EMSY: variants seen among roughly 807,000 people sequenced by gnomAD.
The protein encoded by EMSY is EMSY transcriptional repressor, BRCA2 interacting, also known as BRCA2-interacting transcriptional repressor EMSY.
A neutral mutation model predicts 134.6 loss-of-function variants in EMSY; 26 were observed. The ratio of observed to expected loss-of-function variants is 0.19; its 90% confidence interval spans 0.14 to 0.27. The LOEUF is 0.27. Ranked by LOEUF, EMSY falls within the 10% of genes least tolerant of loss-of-function variation. The probability of loss-of-function intolerance (pLI) is 1.00; values close to 1 mark genes in which losing one functional copy is unlikely to be tolerated. For missense variants in EMSY, 1,305 were observed against 1,611.4 expected, an observed-to-expected ratio of 0.81 and a Z score of 3.26; for synonymous variants, 579 against 577.8, an observed-to-expected ratio of 1.00 and a Z score of -0.03.
chr11:76,490,536 G>A (rs1949375637), intron 8 of EMSY, among the ~76,000 whole-genome samples: 1 of 152,138 alleles, frequency 6.6e-6, no homozygotes. Context: ...ACTATTTCAT[G>A]TATTGTGTTA....
chr11:76,448,643 A>G (rs377039634), intron 2 of EMSY, among the ~76,000 whole-genome samples: 6 of 152,066 alleles, frequency 3.9e-5, no homozygotes, highest in African/African-American at 1.4e-4. Context: ...GTCATCTCGT[A>G]TGGTAATATC....
chr11:76,446,351 A>G (rs1443121941), intron 1 of EMSY, among the ~76,000 whole-genome samples: 1 of 140,138 alleles, frequency 7.1e-6, no homozygotes, highest in Non-Finnish European at 1.6e-5. Flanking sequence ...ATATATGTGT[A>G]TATATATATA....
chr11:76,464,360 A>C (rs1361555098), intron 7 of EMSY, among the ~76,000 whole-genome samples: 1 of 152,210 alleles, frequency 6.6e-6, no homozygotes, highest in Non-Finnish European at 1.5e-5. Flanking sequence ...TCCTATTTGG[A>C]AAAAATTTAA....
At chr11:76,534,292 A>G (rs1951147125) in intron 14 of EMSY, among the ~76,000 whole-genome samples, 1 of 152,184 alleles carries the variant, frequency 6.6e-6, no homozygotes. Flanking sequence ...GTTTCATAAT[A>G]TAATCAATTC....
At chr11:76,485,585 A>G (rs764153482) in intron 8 of EMSY, among the ~76,000 whole-genome samples, 6 of 152,228 alleles carry the variant, frequency 3.9e-5, no homozygotes, top group Non-Finnish European at 7.3e-5. Context: ...CCCACAGCCA[A>G]TATCATACTG....
At chr11:76,522,527 C>T (rs1950685317) in intron 11 of EMSY, among the ~76,000 whole-genome samples, 10 of 151,914 alleles carry the variant, frequency 6.6e-5, no homozygotes, top group Admixed American at 6.6e-4. Flanking sequence ...GCCGCCACCC[C>T]CAGCTAATTT....
At chr11:76,543,879 G>A (rs542661520) in intron 18 of EMSY, among the ~76,000 whole-genome samples, 253 of 152,196 alleles carry the variant, frequency 1.7e-3, no homozygotes, top group South Asian at 6.4e-3. Flanking sequence ...GGCTTTTCTC[G>A]GGACCTCATG....
At chr11:76,532,704 A>G (rs1303266563) in intron 14 of EMSY, among the ~76,000 whole-genome samples, 3 of 152,172 alleles carry the variant, frequency 2.0e-5, no homozygotes, top group Non-Finnish European at 4.4e-5. Context: ...AGTGAAGTGG[A>G]AGAAAACAAG....
intron 4 of EMSY, among the ~76,000 whole-genome samples, chr11:76,456,761 G>T (rs1314927450): frequency 6.6e-6 from 1 of 152,154 alleles, no homozygotes; most frequent in Admixed American, 6.5e-5. Flanking sequence ...AACCCAGCTG[G>T]ATTCATCGGC....
intron 12 of EMSY, 42 bp downstream of exon 13, chr11:76,523,333 G>T: frequency 6.3e-7 from 1 of 1,582,688 alleles, no homozygotes; most frequent in South Asian, 1.2e-5. Context: ...ATTCACAGAG[G>T]ATTTAAAGAC....
chr11:76,503,300 CAAAAAAAAA>C (rs61098325), intron 9 of EMSY, among the ~76,000 whole-genome samples: 10 of 70,796 alleles, frequency 1.4e-4, no homozygotes, highest in Non-Finnish European at 2.3e-4. Context: ...GGCGTGGTCT[CAAAAAAAAA>C]AAAAAAAAAA....
chr11:76,449,730 T>A (rs1024146389), intron 2 of EMSY, among the ~76,000 whole-genome samples: 2 of 152,172 alleles, frequency 1.3e-5, no homozygotes, highest in African/African-American at 4.8e-5. Context: ...ACAAACTACT[T>A]TTCCATTTTT....
intron 9 of EMSY, among the ~76,000 whole-genome samples, chr11:76,503,497 A>T (rs562857152): frequency 2.3e-4 from 35 of 152,152 alleles, no homozygotes; most frequent in Middle Eastern, 3.2e-3. Context: ...AGATGCCAAG[A>T]TCATTCAATG....
intron 4 of EMSY, among the ~76,000 whole-genome samples, chr11:76,455,046 C>T (rs2134923609): frequency 6.6e-6 from 1 of 152,100 alleles, no homozygotes; most frequent in South Asian, 2.1e-4. Context: ...GTTAGTTGTC[C>T]TGGAAAAGGT....
At chr11:76,515,685 T>C (rs1950427247) in intron 10 of EMSY, among the ~76,000 whole-genome samples, 1 of 152,342 alleles carries the variant, frequency 6.6e-6, no homozygotes, top group South Asian at 2.1e-4. Flanking sequence ...TGTAAAACTT[T>C]AGGCAAACAA....
chr11:76,496,866 A>C (rs547399555), intron 9 of EMSY: 4 of 298,666 alleles, frequency 1.3e-5, no homozygotes, highest in African/African-American at 9.0e-5. Flanking sequence ...CTTTCCAATC[A>C]ATTGCTGTTT....
chr11:76,512,752 C>A (rs912762068), intron 9 of EMSY, among the ~76,000 whole-genome samples: 1 of 151,284 alleles, frequency 6.6e-6, no homozygotes, highest in African/African-American at 2.4e-5. Context: ...AATCACCACC[C>A]TAGCACTTTA....
exon 5 of EMSY, chr11:76,458,261 C>T (rs1381249001): frequency 1.2e-6 from 2 of 1,613,956 alleles, no homozygotes; most frequent in East Asian, 4.5e-5. Flanking sequence ...GGCTCGTTCC[C>T]CAAACCGCCT....
Position 76,523,388 on chromosome 11 carries a change from G to A in EMSY, c.1821+97G>A, listed in dbSNP as rs1015497289. The A allele has an allele frequency of 3.6e-6, 5 of 1,377,924 alleles. No individual in the cohort carries two copies. The African/African-American group carries it at 7.3e-5, about 20-fold the overall frequency. The allele number at this position is 1,377,924 out of a possible 1,614,324, so 85.4% of individuals were successfully genotyped here. On this transcript the variant is annotated intron_variant, in intron 12 of 20. Coordinates refer to ENST00000334736, the Ensembl canonical transcript of EMSY. ...ACAAGGACTTGAGAAGCCCACAATA[G>A]CCAGAATGGCTTGGTTTACCACTGC...
Sources: gnomAD v4.1 joint callset for allele counts (sites outside exome capture counted in the v4.1 genomes callset) on GRCh38, gnomAD v4.1.1 for gene constraint, MANE v1.5 for transcripts, NCBI Gene and HGNC (gene_info 2026-07-23, HGNC 2026-07-21) for gene names.